Variants in BCL11B observed in about 807,000 individuals in gnomAD.
BCL11B encodes the protein B-cell lymphoma/leukemia 11B.
A neutral mutation model predicts 49.9 loss-of-function variants in BCL11B; 8 were observed. That is an observed-to-expected ratio of 0.16 (90% CI 0.09 to 0.29). The LOEUF (loss-of-function observed/expected upper bound fraction) is 0.29, where lower values mean the gene tolerates loss of function less well. Ranked by LOEUF, BCL11B falls within the 10% of genes least tolerant of loss-of-function variation. BCL11B has a pLI of 1.00. For synonymous variants in BCL11B, 739 were observed against 637.4 expected (o/e 1.16, Z -2.40); for missense variants, 1,006 against 1,351.0 (o/e 0.74, Z 4.00).
At chr14:99,218,949 G>A (rs1251539635) in intron 3 of BCL11B, among the ~76,000 whole-genome samples, 1 of 152,210 alleles carries the variant, frequency 6.6e-6, no homozygotes, top group Non-Finnish European at 1.5e-5. Context: ...ACAGAGGCAG[G>A]GAATCAGGGA....
rs200395137 is a variant in BCL11B at position 99,173,575 on chromosome 14, A to AT, written c.*575dup. ...AAACCAAAAAAAAAATTAAAAAATA[A>AT]TTAAAAAAAAAACTGCATGCCACTT... On this transcript the variant is annotated 3_prime_UTR_variant, in exon 4 of 4. Transcript: ENST00000357195. The AT allele has an allele frequency of 0.01, 1,786 of 173,088 alleles. 23 individuals are homozygous for AT. The highest frequency in any genetic ancestry group is 0.029 in the South Asian group (131 of 4,588). The allele number at this position is 173,088 out of a possible 1,614,324, so 10.7% of individuals were successfully genotyped here.
chr14:99,190,907 C>CGGG (rs5810925), intron 3 of BCL11B, among the ~76,000 whole-genome samples: 8 of 151,280 alleles, frequency 5.3e-5, no homozygotes, highest in African/African-American at 1.7e-4. Context: ...TTCGGCCACA[C>CGGG]GGGGGGGGTC....
Position 99,176,074 on chromosome 14 carries a change from C to G in BCL11B, c.762G>C (p.Pro254=), listed in dbSNP as rs780474472. The G allele has an allele frequency of 1.9e-6, 3 of 1,605,422 alleles. No individual in the cohort carries two copies. Among genetic ancestry groups the G allele is most frequent in the Non-Finnish European group, 2.6e-6 (3 of 1,175,920 alleles). The change falls in exon 4 of 4, where the codon CCG becomes CCC. Residue 254 remains proline (P), a synonymous_variant. Transcript: ENST00000357195. ...HGFRIYLEPG[P]ASSSLTPRLT... ...GCCGCGGCGTGAGCGAGCTGCTGGCCGGCCCGGGCTCCAGGTAGATGCGGA... is the reference window on the plus strand; with the variant it reads ...GCCGCGGCGTGAGCGAGCTGCTGGCGGGCCCGGGCTCCAGGTAGATGCGGA...
Position 99,250,993 on chromosome 14 carries a change from C to T in BCL11B, c.427+6478G>A, listed in dbSNP as rs562823406. Among the ~76,000 whole-genome samples, 24 of 152,268 alleles carry T rather than the reference C, an allele frequency of 1.6e-4. No homozygotes were observed. In the South Asian group the frequency reaches 4.6e-3, roughly 29 times the overall value. On this transcript the variant is annotated intron_variant, in intron 2 of 3. Transcript: ENST00000357195. ...CACACACTCTTGACTCTGGTTTGCACAGTTCACATGGCAGGTGGGTCCACC... is the reference window on the plus strand; with the variant it reads ...CACACACTCTTGACTCTGGTTTGCATAGTTCACATGGCAGGTGGGTCCACC...
chr14:99,184,741 G>C lies in BCL11B; in HGVS notation c.641-8546C>G, dbSNP rs1230809935. ...GGATTGCCAGCAAGCCAGCCCGGGA[G>C]GCCAAGCTGAAGGCCTTCGAGGGCA... is the stretch of plus-strand genomic sequence containing the variant. On this transcript the variant is annotated intron_variant, in intron 3 of 3. Transcript: ENST00000357195. The surrounding 1 kb of genome is among the most constrained non-coding windows in gnomAD (Gnocchi z 6.1). Among the ~76,000 whole-genome samples the C allele has an allele frequency of 6.6e-6, 1 of 152,186 alleles. No homozygotes were observed. Among genetic ancestry groups the C allele is most frequent in the African/African-American group, 2.4e-5 (1 of 41,450 alleles).
chr14:99,181,218 G>T (rs149932953), intron 3 of BCL11B, among the ~76,000 whole-genome samples: 1 of 152,298 alleles, frequency 6.6e-6, no homozygotes, highest in African/African-American at 2.4e-5. Context: ...AGCAGGGCCC[G>T]GGGTGATATC....
chr14:99,180,044 CTG>C (rs1886656202), intron 3 of BCL11B, among the ~76,000 whole-genome samples: 1 of 152,206 alleles, frequency 6.6e-6, no homozygotes, highest in Admixed American at 6.5e-5. Flanking sequence ...CAGGCTGCTT[CTG>C]ACTGGGGGCT....
rs1296364309 is a variant in BCL11B, at chr14:99,233,994, C to T, written c.428-2437G>A. Reference sequence around the variant, plus strand: ...GGTTTCCACACGGGGCAGCTCAAACCCAGAGCCCTTCCCAAGGGTGGAACT... The same window carrying T: ...GGTTTCCACACGGGGCAGCTCAAACTCAGAGCCCTTCCCAAGGGTGGAACT... On this transcript the variant is annotated intron_variant, in intron 2 of 3. Coordinates refer to ENST00000357195, the MANE Select transcript of BCL11B (RefSeq NM_138576.4). 5.9e-5 allele frequency among the ~76,000 whole-genome samples: 9 copies of T among 152,156 alleles called. No individual in the cohort carries two copies. In the East Asian group the frequency reaches 1.7e-3, roughly 29 times the overall value.
intron 3 of BCL11B, among the ~76,000 whole-genome samples, chr14:99,207,502 C>A (rs1887566602): frequency 6.6e-6 from 1 of 152,184 alleles, no homozygotes; most frequent in African/African-American, 2.4e-5. Flanking sequence ...TTCTGGTGGG[C>A]AAGAGGGCTC....
In BCL11B at chr14:99,206,578, C is replaced by T. The variant is rs554761816; in HGVS notation, c.640+24767G>A. Among the ~76,000 whole-genome samples the T allele has an allele frequency of 9.2e-5, 14 of 152,314 alleles. No individual in the cohort carries two copies. In the South Asian group the frequency reaches 1.0e-3, roughly 11 times the overall value. On this transcript the variant is annotated intron_variant, in intron 3 of 3. Transcript: ENST00000357195. Reference sequence around the variant, plus strand: ...CACCTGCCCCTTAGTCACTAGTAGCCTCCTTGGGCATCGGAGCAACTGTGG... The same window carrying T: ...CACCTGCCCCTTAGTCACTAGTAGCTTCCTTGGGCATCGGAGCAACTGTGG...
At chr14:99,236,824 C>T (rs545136444) in intron 2 of BCL11B, among the ~76,000 whole-genome samples, 11 of 152,312 alleles carry the variant, frequency 7.2e-5, no homozygotes, top group African/African-American at 1.7e-4. Flanking sequence ...TAAGACTGCA[C>T]GCTCATATTT....
In BCL11B at chr14:99,174,202, G is replaced by A. The variant is rs2139752401; in HGVS notation, c.2634C>T (p.Gly878=). 6.2e-7 allele frequency: 1 copy of A among 1,613,678 alleles called. No homozygotes were observed. The highest frequency in any genetic ancestry group is 8.5e-7 in the Non-Finnish European group (1 of 1,180,014). The change falls in exon 4 of 4, where the codon GGC becomes GGT. Residue 878 remains glycine, a synonymous_variant. Coordinates refer to ENST00000357195, the MANE Select transcript of BCL11B (RefSeq NM_138576.4). ...TGACGTCGTTAGTCAGCAAGTGCTC[G>A]CCGTGCCACTTTTTCATGTGTTTCT... ...TLEKHMKKWH[G]EHLLTNDVKI...
rs34800317 is a variant in BCL11B at position 99,173,577 on chromosome 14, TAAAAAA to T, written c.*568_*573del. ...ACCAAAAAAAAAATTAAAAAATAAT[TAAAAAA>T]AAAACTGCATGCCACTTTTTATTTC... On this transcript the variant is annotated 3_prime_UTR_variant, in exon 4 of 4. Coordinates refer to ENST00000357195, the MANE Select transcript of BCL11B (RefSeq NM_138576.4). 5.7e-6 allele frequency: 1 copy of T among 176,938 alleles called. No individual in the cohort carries two copies. The highest frequency in any genetic ancestry group is 1.2e-5 in the Non-Finnish European group (1 of 86,390). 11.0% of individuals were successfully genotyped at this position (176,938 alleles called of 1,614,324 possible). A position where few individuals can be genotyped will look rare whatever the true frequency, so the allele number is the denominator to read the frequency against.
chr14:99,225,493 TG>T (rs1387562252), intron 3 of BCL11B, among the ~76,000 whole-genome samples: 9 of 152,218 alleles, frequency 5.9e-5, no homozygotes, highest in African/African-American at 2.2e-4. Flanking sequence ...CCTTGGCCAG[TG>T]CTGCTTCTTC....
intron 2 of BCL11B, among the ~76,000 whole-genome samples, chr14:99,240,920 C>T (rs1307508754): frequency 1.3e-5 from 2 of 152,188 alleles, no homozygotes; most frequent in Non-Finnish European, 2.9e-5. Flanking sequence ...TTAAAGAAAC[C>T]GGCAGCGCAG....
At chr14:99,193,417 G>A (rs187765330) in intron 3 of BCL11B, among the ~76,000 whole-genome samples, 74 of 152,104 alleles carry the variant, frequency 4.9e-4, no homozygotes, top group African/African-American at 1.6e-3. Context: ...GTCTACGTTC[G>A]TCCACAATGC....
chr14:99,264,067 G>A (rs1292163619), intron 1 of BCL11B: 1 of 152,244 alleles, frequency 6.6e-6, no homozygotes, highest in Non-Finnish European at 1.5e-5. Context: ...TCCTAACGAT[G>A]TGATAAAAAA....
chr14:99,245,222 C>T (rs1888790075), intron 2 of BCL11B, among the ~76,000 whole-genome samples: 1 of 152,166 alleles, frequency 6.6e-6, no homozygotes, highest in African/African-American at 2.4e-5. Context: ...AGACTCCTAG[C>T]AAGGTGACGA....
At position 99,231,506 on chromosome 14, in the gene BCL11B, G is replaced by C; in HGVS notation, c.479C>G (p.Ser160Cys). 3 of 1,599,778 alleles carry C rather than the reference G, an allele frequency of 1.9e-6. No individual in the cohort carries two copies. Among genetic ancestry groups the C allele is most frequent in the Non-Finnish European group, 2.6e-6 (3 of 1,173,504 alleles). ...AGTGATCACGGATGAGTGAGGGTGG[G>C]AGGAGGCAGCTATGGGGGCCACCGC... ...LPAVAPIAAS[S>C]HPHSSVITSP... is the part of the protein sequence containing the mutation. The change falls in exon 3 of 4, where the codon TCC (serine) becomes TGC (cysteine). Residue 160 changes from serine (S) to cysteine (C), a missense_variant. Transcript: ENST00000357195. This position sits in a 1 kb window ranked among gnomAD's most constrained non-coding sequence, Gnocchi z 8.1.
Sources: allele counts gnomAD v4.1 joint callset (sites outside exome capture counted in the v4.1 genomes callset), GRCh38; gene constraint gnomAD v4.1.1; non-coding constraint Gnocchi (gnomAD v3.1); transcripts MANE v1.5; gene names NCBI Gene and HGNC (gene_info 2026-07-23, HGNC 2026-07-21).